Variants in APC2 observed in about 807,000 individuals in gnomAD.
APC2 encodes adenomatous polyposis coli protein 2.
APC2 carries 41 observed loss-of-function variants against 72.5 expected under a neutral mutation model. The observed-to-expected ratio is 0.57, with a 90% CI of 0.44 to 0.73. The LOEUF is 0.73. APC2 is among the 30% of genes least tolerant of loss of function. APC2 has a pLI of 0.00. For synonymous variants in APC2, 1,898 were observed against 1,612.0 expected (o/e 1.18, Z -4.25); for missense variants, 3,729 against 3,403.4 (o/e 1.10, Z -2.38).
Position 1,467,154 on chromosome 19 carries a change from G to A in APC2, c.3853G>A (p.Glu1285Lys), listed in dbSNP as rs754055832. Residue 1285 changes from glutamate to lysine, a missense_variant, in exon 15 of 15, where the codon GAG becomes AAG. Glu to Lys is a moderately conservative substitution (Grantham distance 56). Coordinates refer to ENST00000590469, the MANE Select transcript of APC2 (RefSeq NM_005883.3). ...ASSLSALALH[E>K]HYVQQDVELR... ...CAGCCTCAGCGCGCTGGCCTTGCAC[G>A]AGCACTACGTGCAGCAGGACGTGGA... 6 of 1,562,906 alleles carry A rather than the reference G, an allele frequency of 3.8e-6. No individual in the cohort carries two copies. The highest frequency in any genetic ancestry group is 2.3e-5 in the East Asian group (1 of 44,302).
rs201592735 is a variant in APC2, at chr19:1,453,421, G to C, written c.233-10G>C. 6.2e-7 allele frequency: 1 copy of C among 1,602,586 alleles called. No homozygotes were observed. Among genetic ancestry groups the C allele is most frequent in the African/African-American group, 1.3e-5 (1 of 74,720 alleles). On this transcript the variant is annotated splice_polypyrimidine_tract_variant and intron_variant, in intron 3 of 14. Transcript: ENST00000590469. ...GGCCGCTGACCTCCGCCCTGTCCCC[G>C]CCCATCCAGCCCTACAGATGGACAT...
Position 1,466,373 on chromosome 19 carries a change from G to A in APC2, c.3072G>A (p.Gly1024=), listed in dbSNP as rs2084015069. 9 of 1,585,612 alleles carry A rather than the reference G, an allele frequency of 5.7e-6. No homozygotes were observed. The highest frequency in any genetic ancestry group is 5.1e-6 in the Non-Finnish European group (6 of 1,170,592). The stretch of plus-strand genomic sequence containing the variant: ...TCGCGGGGCCTGGAATCTCTCCAGG[G>A]GCCCGGAAGCAGGCCTGGCTGCCGG... ...EPLAGPGISP[G]ARKQAWLPAD... Residue 1024 remains glycine, a synonymous_variant, in exon 15 of 15, where the codon GGG becomes GGA. Transcript: ENST00000590469.
At chr19:1,448,437 T>C (rs2083706148), upstream of APC2, among the ~76,000 whole-genome samples, 1 of 151,178 alleles carries the variant, frequency 6.6e-6, no homozygotes, top group Non-Finnish European at 1.5e-5. Context: ...TCCCAGTTAC[T>C]GAGGAGTCTG....
At chr19:1,449,959 C>T (rs914529740), upstream of APC2, among the ~76,000 whole-genome samples, 1 of 152,130 alleles carries the variant, frequency 6.6e-6, no homozygotes, top group Non-Finnish European at 1.5e-5. Flanking sequence ...TTTCGCCCCC[C>T]GCACTCACGG....
Position 1,452,525 on chromosome 19 carries a change from T to G in APC2, c.-18-459T>G, listed in dbSNP as rs2083755924. 2 of 168,696 alleles carry G rather than the reference T, an allele frequency of 1.2e-5. No individual in the cohort carries two copies. The highest frequency in any genetic ancestry group is 2.6e-5 in the Non-Finnish European group (2 of 78,072). 10.4% of individuals were successfully genotyped at this position (168,696 alleles called of 1,614,324 possible). On this transcript the variant is annotated intron_variant, in intron 1 of 14. Coordinates refer to ENST00000590469, the MANE Select transcript of APC2 (RefSeq NM_005883.3). This position sits in a 1 kb window ranked among gnomAD's most constrained non-coding sequence, Gnocchi z 5.1. ...CTGTCAGCCTCTGGGCAGGCTTGCT[T>G]TTATGGGGGAGGGTCCTGTCTGTCT...
rs1396845926 is a variant in APC2 at position 1,469,832 on chromosome 19, C to G, written c.6531C>G (p.Ala2177=). The part of the protein sequence containing the change: ...LPLRGSTPED[A]PAGPPPRKTS... ...TGCGGGGCTCCACGCCCGAGGACGC[C>G]CCGGCCGGGCCCCCGCCGCGCAAGA... Residue 2177 remains alanine, a synonymous_variant, in exon 15 of 15, where the codon GCC becomes GCG. Transcript: ENST00000590469. 3 of 1,520,622 alleles carry G rather than the reference C, an allele frequency of 2.0e-6. No homozygotes were observed. In the Admixed American group the frequency reaches 6.0e-5, roughly 31 times the overall value. 94.2% of individuals were successfully genotyped at this position (1,520,622 alleles called of 1,614,324 possible). A position where few individuals can be genotyped will look rare whatever the true frequency, so the allele number is the denominator to read the frequency against.
chr19:1,461,927 A>C, intron 13 of APC2, 36 bp from the exon 14 acceptor site: 1 of 1,554,048 alleles, frequency 6.4e-7, no homozygotes, highest in East Asian at 2.3e-5. Context: ...CGGGCCACTC[A>C]GGCCCTGACC....
chr19:1,456,609 A>G (rs1449542425), intron 8 of APC2, among the ~76,000 whole-genome samples: 6 of 152,126 alleles, frequency 3.9e-5, no homozygotes, highest in Non-Finnish European at 8.8e-5. Context: ...GCGGGGGCTA[A>G]GTGGGGCACC....
In APC2 at chr19:1,466,553, C is replaced by G. The variant is rs201885874; in HGVS notation, c.3252C>G (p.Pro1084=). 1.9e-6 allele frequency: 3 copies of G among 1,582,798 alleles called. No homozygotes were observed. The Admixed American group carries it at 5.2e-5, about 27-fold the overall frequency. The change falls in exon 15 of 15, where the codon CCC becomes CCG. Residue 1084 remains proline, a synonymous_variant. Coordinates refer to ENST00000590469, the MANE Select transcript of APC2 (RefSeq NM_005883.3). ...TGTCCTCGGCCGGCCGCCCAGGCCCCAGCGAGGGTGGTGACCTGGATGACA... is the reference window on the plus strand; with the variant it reads ...TGTCCTCGGCCGGCCGCCCAGGCCCGAGCGAGGGTGGTGACCTGGATGACA... ...SSLSSAGRPG[P]SEGGDLDDSD...
chr19:1,449,150 C>T (rs1331123041), upstream of APC2, among the ~76,000 whole-genome samples: 1 of 152,216 alleles, frequency 6.6e-6, no homozygotes, highest in Non-Finnish European at 1.5e-5. Context: ...GCAGAATCTT[C>T]CGCCTCCTCT....
Position 1,468,423 on chromosome 19 carries a change from CG to C in APC2, c.5125del (p.Glu1709ArgfsTer85). 1 of 1,590,884 alleles carries C rather than the reference CG, an allele frequency of 6.3e-7. No individual in the cohort carries two copies. ...GCTGCACCAGGCAGCAGCTGCCACG[CG>C]GGAGGCCTCGTCCGAGTCCGACTCC... is the stretch of plus-strand genomic sequence containing the variant. ...TWLHQAAAATREASSESDSIL... is the reference protein window; with the variant it reads ...TWLHQAAAATXEASSESDSIL... On this transcript the variant is annotated frameshift_variant, in exon 15 of 15. Transcript: ENST00000590469. LOFTEE classifies it low-confidence loss of function (END_TRUNC).
At position 1,468,147 on chromosome 19, in the gene APC2, C is replaced by G; in HGVS notation, c.4846C>G (p.Arg1616Gly). 6.8e-7 allele frequency: 1 copy of G among 1,477,240 alleles called. No homozygotes were observed. Among genetic ancestry groups the G allele is most frequent in the Non-Finnish European group, 8.9e-7 (1 of 1,121,978 alleles). The allele number at this position is 1,477,240 out of a possible 1,614,324, so 91.5% of individuals were successfully genotyped here. ...VTKDPGPGGG[R>G]DSSPSPRAAE... ...CAAGGACCCGGGCCCAGGAGGCGGA[C>G]GCGACAGCTCGCCCAGCCCGCGGGC... The change falls in exon 15 of 15, where the codon CGC becomes GGC. Residue 1616 changes from arginine to glycine, a missense_variant. Transcript: ENST00000590469.
Position 1,452,489 on chromosome 19 carries a change from C to T in APC2, c.-18-495C>T, listed in dbSNP as rs1026542335. 6.0e-6 allele frequency: 1 copy of T among 166,518 alleles called. No individual in the cohort carries two copies. The highest frequency in any genetic ancestry group is 1.5e-4 in the South Asian group (1 of 6,692). The allele number at this position is 166,518 out of a possible 1,614,324, so 10.3% of individuals were successfully genotyped here. A position where few individuals can be genotyped will look rare whatever the true frequency, so the allele number is the denominator to read the frequency against. ...GGGACAGCTGGTGGTCTGTCCGCCC[C>T]GCGTGTCTGGCTGTCAGCCTCTGGG... On this transcript the variant is annotated intron_variant, in intron 1 of 14. Transcript: ENST00000590469. This position sits in a 1 kb window ranked among gnomAD's most constrained non-coding sequence, Gnocchi z 5.1.
chr19:1,455,318 C>G (rs562328926), intron 5 of APC2, 61 bp downstream of exon 5: 2 of 1,584,576 alleles, frequency 1.3e-6, no homozygotes, highest in Non-Finnish European at 1.7e-6. Flanking sequence ...CGGGAAGCGG[C>G]GTGGGGGAGG....
chr19:1,458,140 G>T, intron 10 of APC2, 80 bp downstream of exon 10: 1 of 1,327,204 alleles, frequency 7.5e-7, no homozygotes, highest in Non-Finnish European at 1.1e-6. Context: ...AAGGGACACA[G>T]GCTGGGTCAT....
intron 8 of APC2, 85 bp from the exon 9 acceptor site, chr19:1,456,768 G>A: frequency 6.7e-7 from 1 of 1,488,192 alleles, no homozygotes; most frequent in Non-Finnish European, 9.0e-7. Context: ...TTGGGGACGG[G>A]GCAGGGGTCA....
Position 1,467,465 on chromosome 19 carries a change from C to G in APC2, c.4164C>G (p.Ser1388=), listed in dbSNP as rs938984325. The change falls in exon 15 of 15, where the codon TCC becomes TCG. Residue 1388 remains serine (S), a synonymous_variant. Transcript: ENST00000590469. ...CGGCCCCGGCCCAGGAGGACGACTC[C>G]TGCACTGACTCCGCGGAGGGCACGC... ...PAPAPAQEDD[S]CTDSAEGTPV... 6.8e-7 allele frequency: 1 copy of G among 1,467,156 alleles called. No individual in the cohort carries two copies. Among genetic ancestry groups the G allele is most frequent in the African/African-American group, 1.5e-5 (1 of 68,122 alleles). 90.9% of individuals were successfully genotyped at this position (1,467,156 alleles called of 1,614,324 possible).
At chr19:1,459,216 T>C (rs1473513540) in intron 10 of APC2, among the ~76,000 whole-genome samples, 2 of 152,138 alleles carry the variant, frequency 1.3e-5, no homozygotes, top group Admixed American at 1.3e-4. Context: ...CCTCATTCCT[T>C]TTGAGACAGA....
chr19:1,455,128 C>T (rs1381639755), intron 4 of APC2, 21 bp from the exon 5 acceptor site: 3 of 1,525,694 alleles, frequency 2.0e-6, no homozygotes, highest in Non-Finnish European at 2.6e-6. Flanking sequence ...CTGAGCCCGC[C>T]CCCGCTGACT....
Sources: allele counts gnomAD v4.1 joint callset (sites outside exome capture counted in the v4.1 genomes callset), GRCh38; gene constraint gnomAD v4.1.1; non-coding constraint Gnocchi (gnomAD v3.1); transcripts MANE v1.5; gene names NCBI Gene and HGNC (gene_info 2026-07-23, HGNC 2026-07-21).